Variants in KCNIP4 observed in about 807,000 individuals in gnomAD.
KCNIP4 encodes the protein Kv channel-interacting protein 4.
In KCNIP4, 12 loss-of-function variants were observed where a neutral mutation model predicts 34.0. The ratio of observed to expected loss-of-function variants is 0.35; its 90% confidence interval spans 0.23 to 0.57. The LOEUF is 0.57. Ranked by LOEUF, KCNIP4 falls within the 20% of genes least tolerant of loss-of-function variation. The pLI, the probability that KCNIP4 is intolerant of heterozygous loss-of-function variation, is 0.83. For missense variants in KCNIP4, 238 were observed against 311.7 expected (o/e 0.76, Z 1.78); for synonymous variants, 124 against 102.2 (o/e 1.21, Z -1.29).
chr4:21,234,318 ATAACATATATAAATT>A (rs1759141772), intron 1 of KCNIP4, among the ~76,000 whole-genome samples: 1 of 97,294 alleles, frequency 1.0e-5, no homozygotes, highest in African/African-American at 6.7e-5. Flanking sequence ...TAACATATAT[ATAACATATATAAATT>A]ATATATAACA....
chr4:21,402,131 T>C (rs560695139), intron 1 of KCNIP4, among the ~76,000 whole-genome samples: 98 of 152,348 alleles, frequency 6.4e-4, no homozygotes, highest in Non-Finnish European at 9.4e-4. Context: ...GACACATTCT[T>C]AACTCCTTTG....
intron 1 of KCNIP4, among the ~76,000 whole-genome samples, chr4:21,935,253 T>C (rs138248899): frequency 1.3e-5 from 2 of 152,238 alleles, no homozygotes; most frequent in Non-Finnish European, 2.9e-5. Flanking sequence ...GACTTCTCAA[T>C]GACCTTTCCA....
At chr4:21,429,275 T>A (rs941575282) in intron 1 of KCNIP4, among the ~76,000 whole-genome samples, 3 of 151,352 alleles carry the variant, frequency 2.0e-5, no homozygotes, top group African/African-American at 7.3e-5. Flanking sequence ...CTTCACTTAG[T>A]CATATGCATT....
At chr4:21,439,308 T>C (rs1028961530) in intron 1 of KCNIP4, among the ~76,000 whole-genome samples, 32 of 152,240 alleles carry the variant, frequency 2.1e-4, no homozygotes, top group African/African-American at 7.5e-4. Context: ...CGCCATTAAA[T>C]ATTTTTCCTG....
chr4:21,819,686 A>G (rs1722211112), intron 1 of KCNIP4, among the ~76,000 whole-genome samples: 1 of 152,188 alleles, frequency 6.6e-6, no homozygotes, highest in East Asian at 1.9e-4. Context: ...ATTTTAAGTT[A>G]ACTTAGTTTT....
At chr4:20,997,276 G>A (rs575118466) in intron 1 of KCNIP4, among the ~76,000 whole-genome samples, 2 of 152,294 alleles carry the variant, frequency 1.3e-5, no homozygotes, top group Admixed American at 1.3e-4. Flanking sequence ...CTGTTGTAAT[G>A]GTCTATACCA....
intron 1 of KCNIP4, among the ~76,000 whole-genome samples, chr4:21,670,421 T>G (rs1749380834): frequency 1.5e-5 from 1 of 64,606 alleles, no homozygotes; most frequent in Non-Finnish European, 2.9e-5. Context: ...GGGACTGTGG[T>G]GGGGTCGGGG....
Position 21,265,429 on chromosome 4 carries a change from C to T in KCNIP4, c.62-382720G>A, listed in dbSNP as rs917333511. ...TTTTAAGTAAAAATAATTTCACGAT[C>T]GGAGTTACAAACTACAAAGTCCACT... On this transcript the variant is annotated intron_variant, in intron 1 of 8. Coordinates refer to ENST00000382152, the MANE Select transcript of KCNIP4 (RefSeq NM_025221.6). 1.1e-4 allele frequency among the ~76,000 whole-genome samples: 16 copies of T among 152,134 alleles called. 1 individual carries two copies. In the South Asian group the frequency reaches 1.7e-3, roughly 16 times the overall value.
intron 1 of KCNIP4, among the ~76,000 whole-genome samples, chr4:21,530,995 T>C (rs1419893773): frequency 1.3e-5 from 2 of 152,196 alleles, no homozygotes; most frequent in Non-Finnish European, 2.9e-5. Flanking sequence ...GGTGCATGTA[T>C]ATCCAGATCC....
chr4:21,530,191 T>C (rs2108975251), intron 1 of KCNIP4, among the ~76,000 whole-genome samples: 1 of 152,254 alleles, frequency 6.6e-6, no homozygotes, highest in African/African-American at 2.4e-5. Context: ...CAATGAATAT[T>C]CCGGATCAAA....
intron 1 of KCNIP4, among the ~76,000 whole-genome samples, chr4:21,287,295 A>G (rs1224772275): frequency 6.6e-6 from 1 of 152,200 alleles, no homozygotes; most frequent in Non-Finnish European, 1.5e-5. Context: ...ATAAAGAATA[A>G]TACCATGTAC....
At chr4:21,041,451 A>G (rs1741956906) in intron 1 of KCNIP4, among the ~76,000 whole-genome samples, 2 of 152,180 alleles carry the variant, frequency 1.3e-5, no homozygotes, top group Non-Finnish European at 2.9e-5. Flanking sequence ...TCACATTTCA[A>G]AAAAGTAGCC....
intron 1 of KCNIP4, among the ~76,000 whole-genome samples, chr4:20,927,329 C>T (rs1332866363): frequency 6.6e-6 from 1 of 152,010 alleles, no homozygotes; most frequent in Admixed American, 6.6e-5. Context: ...AGGAATGTGG[C>T]TAAATGGCCT....
rs373897770 is a variant in KCNIP4, at chr4:20,987,829, C to G, written c.62-105120G>C. Among the ~76,000 whole-genome samples the G allele has an allele frequency of 2.1e-4, 32 of 151,412 alleles. No individual in the cohort carries two copies. The South Asian group carries it at 2.9e-3, about 14-fold the overall frequency. On this transcript the variant is annotated intron_variant, in intron 1 of 8. Coordinates refer to ENST00000382152, the MANE Select transcript of KCNIP4 (RefSeq NM_025221.6). ...ACTGGCTAACACGGTGAAACCCCGT[C>G]TCTACTAAAAATCCAAAAAAAATTA... is the stretch of plus-strand genomic sequence containing the variant.
rs542121125 is a variant in KCNIP4, at chr4:21,780,465, C to A, written c.61+168106G>T. ...CTCTCAACTGCCAAAGACTTGTGAG[C>A]TATTTTTTTGGAGAGGGTGAAACTG... On this transcript the variant is annotated intron_variant, in intron 1 of 8. Transcript: ENST00000382152. 7.9e-5 allele frequency among the ~76,000 whole-genome samples: 12 copies of A among 152,230 alleles called. No homozygotes were observed. In the South Asian group the frequency reaches 1.5e-3, roughly 18 times the overall value.
chr4:21,860,294 C>T (rs1190052990), intron 1 of KCNIP4, among the ~76,000 whole-genome samples: 2 of 151,948 alleles, frequency 1.3e-5, no homozygotes, highest in Non-Finnish European at 2.9e-5. Flanking sequence ...CCACCACACC[C>T]GGCTGATTTT....
At chr4:21,004,925 T>C (rs1007990587) in intron 1 of KCNIP4, among the ~76,000 whole-genome samples, 8 of 151,526 alleles carry the variant, frequency 5.3e-5, no homozygotes, top group African/African-American at 1.9e-4. Flanking sequence ...TATAAACATA[T>C]TGAGGAGCAA....
chr4:20,915,439 A>T (rs986130219), intron 1 of KCNIP4, among the ~76,000 whole-genome samples: 4 of 152,166 alleles, frequency 2.6e-5, no homozygotes, highest in Non-Finnish European at 5.9e-5. Context: ...CTAAAAGATA[A>T]TTTTTTGGAT....
At chr4:21,748,094 A>G (rs1328797369) in intron 1 of KCNIP4, among the ~76,000 whole-genome samples, 1 of 152,116 alleles carries the variant, frequency 6.6e-6, no homozygotes, top group Admixed American at 6.6e-5. Context: ...GAGAGCATAA[A>G]TTTCTGTTGT....
Sources: allele counts gnomAD v4.1 joint callset (sites outside exome capture counted in the v4.1 genomes callset), GRCh38; gene constraint gnomAD v4.1.1; transcripts MANE v1.5; gene names NCBI Gene and HGNC (gene_info 2026-07-23, HGNC 2026-07-21).